HTT: variants seen among roughly 807,000 people sequenced by gnomAD.
The protein encoded by HTT is huntingtin.
A neutral mutation model predicts 362.3 loss-of-function variants in HTT; 104 were observed. The observed-to-expected ratio is 0.29, with a 90% CI of 0.24 to 0.34. The LOEUF is 0.34. Among genes scored for constraint, HTT ranks in the 10% least tolerant of loss-of-function variants. The probability of loss-of-function intolerance (pLI) is 1.00; values close to 1 mark genes in which losing one functional copy is unlikely to be tolerated. For missense variants in HTT, 3,301 were observed against 3,928.6 expected, an observed-to-expected ratio of 0.84 and a Z score of 4.27; for synonymous variants, 1,577 against 1,548.7, an observed-to-expected ratio of 1.02 and a Z score of -0.43.
At position 3,240,095 on chromosome 4, in the gene HTT, G is replaced by T; in HGVS notation, c.*36G>T. On this transcript the variant is annotated 3_prime_UTR_variant, in exon 67 of 67. Transcript: ENST00000355072. Reference sequence around the variant, plus strand: ...GGGAGAGACTGTGAGGCGGCAGCTGGGGCCGGAGCCTTTGGAAGTCTGCGC... The same window carrying T: ...GGGAGAGACTGTGAGGCGGCAGCTGTGGCCGGAGCCTTTGGAAGTCTGCGC... 2 of 1,526,852 alleles carry T rather than the reference G, an allele frequency of 1.3e-6. No individual in the cohort carries two copies. Among genetic ancestry groups the T allele is most frequent in the South Asian group, 1.2e-5 (1 of 83,944 alleles). The allele number at this position is 1,526,852 out of a possible 1,614,324, so 94.6% of individuals were successfully genotyped here. A position where few individuals can be genotyped will look rare whatever the true frequency, so the allele number is the denominator to read the frequency against.
At chr4:3,107,844 A>G (rs962412919) in intron 6 of HTT, among the ~76,000 whole-genome samples, 1 of 152,230 alleles carries the variant, frequency 6.6e-6, no homozygotes, top group Admixed American at 6.5e-5. Flanking sequence ...CCAACAAATC[A>G]TCTTCAAACC....
At chr4:3,184,852 T>C (rs1718689765) in intron 37 of HTT, among the ~76,000 whole-genome samples, 1 of 151,920 alleles carries the variant, frequency 6.6e-6, no homozygotes, top group Non-Finnish European at 1.5e-5. Context: ...CCGAGCCTGC[T>C]GAGTCCCAGC....
rs1427985646 is a variant in HTT at position 3,109,064 on chromosome 4, A to AT, written c.747+1641_747+1642insT. 2.4e-3 allele frequency among the ~76,000 whole-genome samples: 308 copies of AT among 127,322 alleles called. 2 individuals carry two copies. Among genetic ancestry groups the AT allele is most frequent in the African/African-American group, 8.3e-3 (287 of 34,720 alleles). 83.5% of individuals were successfully genotyped at this position (127,322 alleles called of 152,430 possible). A position where few individuals can be genotyped will look rare whatever the true frequency, so the allele number is the denominator to read the frequency against. On this transcript the variant is annotated intron_variant, in intron 6 of 66. Transcript: ENST00000355072. Reference sequence around the variant, plus strand: ...ACAAGATGCCATTTCTTAAAAAAAAAAAATATATATATATATATTATCAAT... The same window carrying AT: ...ACAAGATGCCATTTCTTAAAAAAAAATAAATATATATATATATATTATCAAT...
At chr4:3,115,506 A>G in intron 7 of HTT, 61 bp downstream of exon 7, 3 of 1,365,002 alleles carry the variant, frequency 2.2e-6, no homozygotes, top group Middle Eastern at 1.9e-4. Flanking sequence ...GACCTTTGAA[A>G]TAAATAAAAC....
chr4:3,151,053 A>AC (rs1470598742), intron 26 of HTT, among the ~76,000 whole-genome samples: 1 of 144,726 alleles, frequency 6.9e-6, no homozygotes, highest in African/African-American at 2.8e-5. Flanking sequence ...ACAAAACAAA[A>AC]CAAAAAAAAA....
chr4:3,158,532 A>G (rs1283535843), intron 28 of HTT, among the ~76,000 whole-genome samples: 1 of 152,190 alleles, frequency 6.6e-6, no homozygotes, highest in African/African-American at 2.4e-5. Context: ...CATGAAATTT[A>G]AAGGATTTTA....
At position 3,134,371 on chromosome 4, in the gene HTT, T is replaced by A. The variant is rs761189534; in HGVS notation, c.2494-30T>A. ...CGGGTACTGAGTGGGACTAACCTGC[T>A]GTCCTCTTGCCTTGGACCTTGTGTT... On this transcript the variant is annotated intron_variant, in intron 18 of 66. Coordinates refer to ENST00000355072, the MANE Select transcript of HTT (RefSeq NM_001388492.1). 4 of 1,605,070 alleles carry A rather than the reference T, an allele frequency of 2.5e-6. No homozygotes were observed. In the East Asian group the frequency reaches 8.9e-5, roughly 36 times the overall value.
chr4:3,116,332 G>C, intron 8 of HTT, 69 bp downstream of exon 8: 1 of 1,368,254 alleles, frequency 7.3e-7, no homozygotes, highest in South Asian at 1.2e-5. Flanking sequence ...GATTAATTTG[G>C]AAGAGAAGCG....
chr4:3,146,993 G>A, intron 25 of HTT, 45 bp downstream of exon 25: 1 of 1,598,452 alleles, frequency 6.3e-7, no homozygotes, highest in Non-Finnish European at 8.6e-7. Flanking sequence ...CTTGGATTTT[G>A]ATTTCCTTAG....
At chr4:3,221,523 A>G (rs3755883) in intron 53 of HTT, among the ~76,000 whole-genome samples, 44,961 of 152,014 alleles carry the variant, frequency 0.3, 7,019 homozygotes, top group East Asian at 0.4. Flanking sequence ...ATTTGTCTGT[A>G]TCTGTGTCTG....
At chr4:3,100,875 G>A (rs1477679876) in intron 3 of HTT, among the ~76,000 whole-genome samples, 1 of 152,174 alleles carries the variant, frequency 6.6e-6, no homozygotes, top group East Asian at 1.9e-4. Context: ...CTACAGGCGT[G>A]CACCACCATG....
At position 3,236,155 on chromosome 4, in the gene HTT, A is replaced by G. The variant is rs368288911; in HGVS notation, c.8792A>G (p.Glu2931Gly). 1.2e-6 allele frequency: 2 copies of G among 1,613,112 alleles called. No homozygotes were observed. Among genetic ancestry groups the G allele is most frequent in the African/African-American group, 2.7e-5 (2 of 74,918 alleles). The change falls in exon 64 of 67, where the codon GAG becomes GGG. Residue 2931 changes from glutamate to glycine, a missense_variant. Glu to Gly is a moderately conservative substitution (Grantham distance 98, BLOSUM62 -2). Coordinates refer to ENST00000355072, the MANE Select transcript of HTT (RefSeq NM_001388492.1). ...CTGAACACTTTTGTTACAGGAAAGGAGAAAGTCAGTCCGGGTAGAACTTCA... is the reference window on the plus strand; with the variant it reads ...CTGAACACTTTTGTTACAGGAAAGGGGAAAGTCAGTCCGGGTAGAACTTCA... ...LMLTCMYTGK[E>G]KVSPGRTSDP... is the part of the protein sequence containing the mutation.
At chr4:3,078,973 CATCCGCCGACCTTGTG>C (rs1383148944) in intron 1 of HTT, among the ~76,000 whole-genome samples, 1 of 152,090 alleles carries the variant, frequency 6.6e-6, no homozygotes, top group South Asian at 2.1e-4. Context: ...CTGACCTCGT[CATCCGCCGACCTTGTG>C]ATCCGCCCAC....
intron 29 of HTT, among the ~76,000 whole-genome samples, chr4:3,168,401 G>A (rs185125857): frequency 1.3e-5 from 2 of 152,300 alleles, no homozygotes; most frequent in Non-Finnish European, 2.9e-5. Flanking sequence ...TCAGACTTCT[G>A]TGAGTTTACC....
At chr4:3,152,274 A>G (rs1418966220) in intron 26 of HTT, among the ~76,000 whole-genome samples, 1 of 151,672 alleles carries the variant, frequency 6.6e-6, no homozygotes, top group Non-Finnish European at 1.5e-5. Context: ...AACTTTTTGT[A>G]TTTTTAGTAG....
chr4:3,142,985 T>TCTTACAGTG, intron 23 of HTT, 99 bp downstream of exon 23: 1 of 821,572 alleles, frequency 1.2e-6, no homozygotes, highest in Admixed American at 2.1e-5. Context: ...GAGGTGCTTG[T>TCTTACAGTG]CTTACAGCTC....
chr4:3,229,594 CCCA>C (rs1721138689), intron 59 of HTT, among the ~76,000 whole-genome samples: 1 of 151,536 alleles, frequency 6.6e-6, no homozygotes, highest in Non-Finnish European at 1.5e-5. Flanking sequence ...ATATACACAC[CCCA>C]CACCACACAC....
intron 24 of HTT, among the ~76,000 whole-genome samples, chr4:3,145,552 A>G (rs1332639663): frequency 6.6e-6 from 1 of 152,194 alleles, no homozygotes; most frequent in Non-Finnish European, 1.5e-5. Context: ...TGTGAATTAG[A>G]AGTTTAGGAA....
rs1718773118 is a variant in HTT, at chr4:3,186,673, C to T, written c.4943C>T (p.Pro1648Leu). ...FEILAPSSLR[P>L]VDMLLRSMFV... ...ATTTTGGCCCCTTCCTCCCTCCGTC[C>T]GGTAGACATGCTTTTACGGAGTATG... The change falls in exon 38 of 67, where the codon CCG becomes CTG. Residue 1648 changes from proline to leucine, a missense_variant. Physicochemically the swap from Pro to Leu is moderately conservative, Grantham distance 98 (BLOSUM62 -3). Around this residue, in one of 4 missense-constraint regions of HTT, gnomAD observed 2,316 missense variants for 2,658.5 expected, o/e 0.87. Transcript: ENST00000355072. The T allele has an allele frequency of 6.2e-7, 1 of 1,613,706 alleles. No individual in the cohort carries two copies. Among genetic ancestry groups the T allele is most frequent in the Non-Finnish European group, 8.5e-7 (1 of 1,179,770 alleles).
Sources: allele counts gnomAD v4.1 joint callset (sites outside exome capture counted in the v4.1 genomes callset), GRCh38; gene constraint gnomAD v4.1.1; regional missense constraint gnomAD v4.1.1; transcripts MANE v1.5; gene names NCBI Gene and HGNC (gene_info 2026-07-23, HGNC 2026-07-21).